Variants in ERICH1 observed in about 807,000 individuals in gnomAD.
ERICH1 encodes the protein glutamate rich 1.
A neutral mutation model predicts 39.6 loss-of-function variants in ERICH1; 56 were observed. The ratio of observed to expected loss-of-function variants is 1.41; its 90% confidence interval spans 1.14 to 1.77. ERICH1 has a LOEUF of 1.77. Ranked by LOEUF, ERICH1 falls within the 40% of genes most tolerant of loss-of-function variation. The pLI is 0.00. For synonymous variants in ERICH1, 313 were observed against 223.6 expected, an observed-to-expected ratio of 1.40 and a Z score of -3.57; for missense variants, 826 against 575.4, an observed-to-expected ratio of 1.44 and a Z score of -4.45.
chr8:686,473 A>AAAAACC (rs1563260090), intron 3 of ERICH1, among the ~76,000 whole-genome samples: 1 of 152,020 alleles, frequency 6.6e-6, no homozygotes, highest in African/African-American at 2.4e-5. Context: ...AAACAAAAAC[A>AAAAACC]AAAACCATGT....
rs1420094158 is a variant in ERICH1 at position 692,570 on chromosome 8, G to A, written c.212C>T (p.Ala71Val). Residue 71 changes from alanine to valine, a missense_variant, in exon 3 of 6, where the codon GCC (alanine) becomes GTC (valine). By Grantham distance (64) the Ala-to-Val change is moderately conservative. Transcript: ENST00000262109. The part of the protein sequence containing the change: ...ETPTARRLYT[A>V]SGPPEGYVPC... Reference sequence around the variant, plus strand: ...GACGTAGCCCTCAGGAGGCCCGCTGGCAGTGTAGAGCCGTCGGGCAGTCGG... The same window carrying A: ...GACGTAGCCCTCAGGAGGCCCGCTGACAGTGTAGAGCCGTCGGGCAGTCGG... 3 of 1,612,376 alleles carry A rather than the reference G, an allele frequency of 1.9e-6. No homozygotes were observed. Among genetic ancestry groups the A allele is most frequent in the African/African-American group, 1.3e-5 (1 of 74,838 alleles).
At chr8:681,012 A>G (rs922645529) in intron 3 of ERICH1, among the ~76,000 whole-genome samples, 3 of 152,236 alleles carry the variant, frequency 2.0e-5, no homozygotes, top group Non-Finnish European at 4.4e-5. Flanking sequence ...TGCTACATGC[A>G]GACTCATGAA....
chr8:656,064 G>C (rs1800624373), intron 3 of ERICH1, among the ~76,000 whole-genome samples: 1 of 152,090 alleles, frequency 6.6e-6, no homozygotes, highest in Admixed American at 6.6e-5. Context: ...CCCCAAATCA[G>C]GCTGTAGACC....
intron 3 of ERICH1, among the ~76,000 whole-genome samples, chr8:650,737 A>T (rs918512313): frequency 1.6e-4 from 24 of 152,206 alleles, no homozygotes; most frequent in African/African-American, 5.8e-4. Flanking sequence ...GCACACGCTG[A>T]TAAAAGGGTC....
intron 3 of ERICH1, among the ~76,000 whole-genome samples, chr8:658,676 C>T (rs377080196): frequency 9.2e-5 from 14 of 152,128 alleles, no homozygotes; most frequent in African/African-American, 2.9e-4. Flanking sequence ...CTGACCCAAT[C>T]GGACAAGAGG....
chr8:689,263 C>T (rs969795639), intron 3 of ERICH1, among the ~76,000 whole-genome samples: 1 of 152,184 alleles, frequency 6.6e-6, no homozygotes. Context: ...AGGTACATGC[C>T]ACCACACCTG....
intron 1 of ERICH1, among the ~76,000 whole-genome samples, chr8:722,247 A>G (rs1424666629): frequency 6.6e-6 from 1 of 152,044 alleles, no homozygotes; most frequent in Non-Finnish European, 1.5e-5. Context: ...AACCTGCAGG[A>G]AAACAAATAA....
At position 684,630 on chromosome 8, in the gene ERICH1, G is replaced by A. The variant is rs569812429; in HGVS notation, c.304+7848C>T. ...TGCCAAGACATCTGTTTACCTCCTGGGGATATCGGGGGAACCAGCCCCCAA... is the reference window on the plus strand; with the variant it reads ...TGCCAAGACATCTGTTTACCTCCTGAGGATATCGGGGGAACCAGCCCCCAA... On this transcript the variant is annotated intron_variant, in intron 3 of 5. Coordinates refer to ENST00000262109, the MANE Select transcript of ERICH1 (RefSeq NM_207332.3). Among the ~76,000 whole-genome samples, 11 of 152,196 alleles carry A rather than the reference G, an allele frequency of 7.2e-5. No homozygotes were observed. The East Asian group carries it at 1.9e-3, about 27-fold the overall frequency.
intron 3 of ERICH1, chr8:626,008 C>G (rs938027878): frequency 2.0e-5 from 3 of 152,202 alleles, no homozygotes; most frequent in Non-Finnish European, 4.4e-5. Flanking sequence ...TTCATCCATT[C>G]TACAATAGAA....
At chr8:674,186 C>T (rs2131871481) in intron 3 of ERICH1, 139 bp from the exon 4 acceptor site, 1 of 989,572 alleles carries the variant, frequency 1.0e-6, no homozygotes, top group Non-Finnish European at 1.4e-6. Context: ...TGATTCTCAA[C>T]TTTACCATCA....
At chr8:690,424 T>G (rs1220768561) in intron 3 of ERICH1, among the ~76,000 whole-genome samples, 2 of 152,228 alleles carry the variant, frequency 1.3e-5, no homozygotes, top group Admixed American at 6.5e-5. Context: ...AATCTCCATT[T>G]ATCACAAGGC....
At chr8:637,120 C>T (rs1339065384) in intron 3 of ERICH1, among the ~76,000 whole-genome samples, 2 of 152,200 alleles carry the variant, frequency 1.3e-5, no homozygotes, top group South Asian at 4.1e-4. Context: ...CTGCTTCTCT[C>T]TTCTCTCTGC....
chr8:672,376 C>T (rs991827649), intron 4 of ERICH1, among the ~76,000 whole-genome samples: 5 of 152,188 alleles, frequency 3.3e-5, no homozygotes, highest in South Asian at 4.1e-4. Flanking sequence ...GAGTGCTCTT[C>T]GTGTTGAAAT....
intron 3 of ERICH1, among the ~76,000 whole-genome samples, chr8:636,711 G>C (rs1468353484): frequency 2.0e-5 from 3 of 152,260 alleles, no homozygotes; most frequent in East Asian, 1.9e-4. Context: ...CCGACACTGT[G>C]ACCTCTGGGG....
chr8:693,395 C>G (rs1381417356), intron 2 of ERICH1, among the ~76,000 whole-genome samples: 4 of 152,258 alleles, frequency 2.6e-5, no homozygotes, highest in Non-Finnish European at 5.9e-5. Flanking sequence ...TAACTTAAAT[C>G]TGCATACTTT....
chr8:670,585 C>T (rs973183815), intron 4 of ERICH1, among the ~76,000 whole-genome samples: 10 of 152,070 alleles, frequency 6.6e-5, no homozygotes, highest in Non-Finnish European at 1.2e-4. Flanking sequence ...CTGCTGGGCT[C>T]GAGGGTCAGG....
chr8:727,023 C>T, intron 1 of ERICH1, among the ~76,000 whole-genome samples: 1 of 151,478 alleles, frequency 6.6e-6, no homozygotes, highest in East Asian at 1.9e-4. Flanking sequence ...CACATGCATG[C>T]ACACACATAC....
chr8:677,488 G>C (rs976944915), intron 3 of ERICH1, among the ~76,000 whole-genome samples: 2 of 152,148 alleles, frequency 1.3e-5, no homozygotes, highest in Non-Finnish European at 2.9e-5. Flanking sequence ...CCTTCATCTC[G>C]CTCCTCACTC....
chr8:686,448 TA>T (rs59620199), intron 3 of ERICH1, among the ~76,000 whole-genome samples: 37 of 147,492 alleles, frequency 2.5e-4, no homozygotes, highest in African/African-American at 2.7e-4. Flanking sequence ...CTAGGCAAGC[TA>T]AAAAAAAAAA....
Sources: allele counts gnomAD v4.1 joint callset (sites outside exome capture counted in the v4.1 genomes callset), GRCh38; gene constraint gnomAD v4.1.1; transcripts MANE v1.5; gene names NCBI Gene and HGNC (gene_info 2026-07-23, HGNC 2026-07-21).